Variants in MGST2 observed in about 807,000 individuals in gnomAD.
The protein encoded by MGST2 is microsomal glutathione S-transferase 2, also known as glutathione peroxidase MGST2.
A neutral mutation model predicts 16.6 loss-of-function variants in MGST2; 9 were observed. The ratio of observed to expected loss-of-function variants is 0.54; its 90% CI spans 0.33 to 0.95. The LOEUF is 0.95. Among genes scored for constraint, MGST2 ranks in the 40% least tolerant of loss-of-function variants. The pLI is 0.03. For synonymous variants in MGST2, 79 were observed against 68.0 expected, an observed-to-expected ratio of 1.16 and a Z score of -0.79; for missense variants, 159 against 175.1, an observed-to-expected ratio of 0.91 and a Z score of 0.52.
chr4:139,727,994 T>C (rs1728545987), intron 5 of MGST2, among the ~76,000 whole-genome samples: 1 of 152,152 alleles, frequency 6.6e-6, no homozygotes, highest in Non-Finnish European at 1.5e-5. Flanking sequence ...GGCAGGCAGA[T>C]TGCTTGAGCC....
intron 1 of MGST2, among the ~76,000 whole-genome samples, chr4:139,667,766 G>A (rs1216950869): frequency 1.3e-5 from 2 of 152,116 alleles, no homozygotes; most frequent in Non-Finnish European, 2.9e-5. Context: ...GCTGAGGCAG[G>A]AGAATCGCTT....
chr4:139,704,052 C>G lies in MGST2; in HGVS notation c.348C>G (p.Ala116=). 1 of 1,614,106 alleles carries G rather than the reference C, an allele frequency of 6.2e-7. No homozygotes were observed. Among genetic ancestry groups the G allele is most frequent in the Non-Finnish European group, 8.5e-7 (1 of 1,180,030 alleles). The change falls in exon 5 of 5, where the codon GCC becomes GCG. Residue 116 remains alanine, a synonymous_variant. Transcript: ENST00000265498. ...TCCGACTGAGTCTGGGGATTTTGGCCTTGTTGACCCTCCTAGGTGCCCTGG... is the reference window on the plus strand; with the variant it reads ...TCCGACTGAGTCTGGGGATTTTGGCGTTGTTGACCCTCCTAGGTGCCCTGG... ...TGFRLSLGIL[A]LLTLLGALGI... is the part of the protein sequence containing the mutation.
intron 2 of MGST2, chr4:139,687,836 C>T (rs549545215): frequency 2.0e-5 from 3 of 152,202 alleles, no homozygotes; most frequent in Non-Finnish European, 4.4e-5. Context: ...TTCCTCTTCC[C>T]TTCCTTACAG....
exon 6 of MGST2, chr4:139,740,458 T>C (rs1729124370): frequency 6.6e-6 from 1 of 152,154 alleles, no homozygotes; most frequent in South Asian, 2.1e-4. Flanking sequence ...TTTTTACCCA[T>C]ATGTTTGCTA....
intron 2 of MGST2, among the ~76,000 whole-genome samples, chr4:139,694,260 C>G (rs567159626): frequency 1.3e-5 from 2 of 151,758 alleles, no homozygotes; most frequent in South Asian, 4.2e-4. Context: ...CTTCAACAAC[C>G]AGCGTCATCT....
At chr4:139,666,567 T>G (rs761440253) in intron 1 of MGST2, among the ~76,000 whole-genome samples, 5 of 152,182 alleles carry the variant, frequency 3.3e-5, no homozygotes, top group Admixed American at 6.5e-5. Context: ...TGAAAAAAAC[T>G]TCCTTCAGAA....
intron 5 of MGST2, among the ~76,000 whole-genome samples, chr4:139,739,358 G>T (rs1729073595): frequency 6.6e-6 from 1 of 152,170 alleles, no homozygotes; most frequent in Admixed American, 6.5e-5. Flanking sequence ...AATACCATTT[G>T]TCCTTATCAG....
At chr4:139,752,836 C>G in the MGST2 span, among the ~76,000 whole-genome samples, 1 of 152,110 alleles carries the variant, frequency 6.6e-6, no homozygotes, top group Non-Finnish European at 1.5e-5. Context: ...ACATTGATAA[C>G]CATAGTTCTT....
In MGST2 at chr4:139,733,755, G is replaced by A. The variant is rs1424417540; in HGVS notation, c.*49-6457G>A. ...GCTGGGGTGCAGTGGTATGATCATA[G>A]CTCACTGCAACCTCCAACTCCTGGG... On this transcript the variant is annotated intron_variant, in intron 5 of 5. Transcript: ENST00000616265. Among the ~76,000 whole-genome samples the A allele has an allele frequency of 8.5e-5, 13 of 152,142 alleles. 1 individual carries two copies. In the East Asian group the frequency reaches 1.9e-3, roughly 23 times the overall value.
At chr4:139,752,245 T>A in the MGST2 span, among the ~76,000 whole-genome samples, 1 of 152,244 alleles carries the variant, frequency 6.6e-6, no homozygotes, top group Admixed American at 6.5e-5. Flanking sequence ...CTTGCAGAAC[T>A]ATGGTGTGCC....
intron 2 of MGST2, among the ~76,000 whole-genome samples, chr4:139,694,957 C>T (rs1369160720): frequency 1.3e-5 from 2 of 152,158 alleles, no homozygotes; most frequent in Non-Finnish European, 2.9e-5. Context: ...TGGGAAAGTG[C>T]TATAACTCAC....
At chr4:139,725,969 A>T (rs1434911395) in intron 5 of MGST2, 4 of 698,870 alleles carry the variant, frequency 5.7e-6, no homozygotes, top group Non-Finnish European at 1.0e-5. Context: ...ATATGCATAC[A>T]GGCAAGTGCA....
intron 5 of MGST2, among the ~76,000 whole-genome samples, chr4:139,738,310 A>G (rs1413590323): frequency 6.6e-6 from 1 of 152,218 alleles, no homozygotes; most frequent in Non-Finnish European, 1.5e-5. Context: ...TTGAGAGGCT[A>G]AGGCGGGTGG....
intron 5 of MGST2, chr4:139,717,072 A>G (rs1728003595): frequency 1.3e-5 from 2 of 152,598 alleles, no homozygotes; most frequent in Admixed American, 6.5e-5. Flanking sequence ...TTTTACAGAT[A>G]GTAGACCCAG....
Position 139,678,421 on chromosome 4 carries a change from T to C in MGST2, c.59-122T>C. The C allele has an allele frequency of 3.9e-6, 3 of 766,494 alleles. No homozygotes were observed. The Admixed American group carries it at 6.1e-5, about 15-fold the overall frequency. 47.5% of individuals were successfully genotyped at this position (766,494 alleles called of 1,614,324 possible). A position where few individuals can be genotyped will look rare whatever the true frequency, so the allele number is the denominator to read the frequency against. ...TGTCTTTTTTAATTGCTATCATCTG[T>C]CTTTTTGATTTTAGACATTGTAATA... On this transcript the variant is annotated intron_variant, in intron 1 of 4. Transcript: ENST00000265498.
Position 139,737,768 on chromosome 4 carries a change from AT to A in MGST2, c.*49-2439del, listed in dbSNP as rs1187671865. Among the ~76,000 whole-genome samples, 4 of 152,252 alleles carry A rather than the reference AT, an allele frequency of 2.6e-5. No homozygotes were observed. In the East Asian group the frequency reaches 7.7e-4, roughly 29 times the overall value. On this transcript the variant is annotated intron_variant, in intron 5 of 5. Coordinates refer to the MGST2 transcript ENST00000616265. ...TTACAAACTTTCTTTTTCCAGAAAAATTTTTACTGTGGGTTTGGAGAGGTGT... is the reference window on the plus strand; with the variant it reads ...TTACAAACTTTCTTTTTCCAGAAAAATTTTACTGTGGGTTTGGAGAGGTGT...
At chr4:139,719,548 G>T (rs1232453482) in intron 5 of MGST2, 3 of 1,613,842 alleles carry the variant, frequency 1.9e-6, no homozygotes, top group South Asian at 1.1e-5. Flanking sequence ...GCTGTGCTGG[G>T]GGCTGGCTGA....
chr4:139,734,072 A>G (rs897082391), intron 5 of MGST2, among the ~76,000 whole-genome samples: 6 of 152,212 alleles, frequency 3.9e-5, no homozygotes, highest in Non-Finnish European at 7.3e-5. Context: ...TCAACAGTGG[A>G]TGAGAGACAC....
intron 5 of MGST2, chr4:139,719,472 G>T (rs1444275230): frequency 3.1e-6 from 5 of 1,614,030 alleles, no homozygotes; most frequent in Non-Finnish European, 3.4e-6. Context: ...GACACGTCCT[G>T]AGGGGCATTC....
Sources: gnomAD v4.1 joint callset for allele counts (sites outside exome capture counted in the v4.1 genomes callset) on GRCh38, gnomAD v4.1.1 for gene constraint, MANE v1.5 for transcripts, NCBI Gene and HGNC (gene_info 2026-07-23, HGNC 2026-07-21) for gene names.